The following TBC1D22A variants were observed in gnomAD, a reference collection of about 807,000 sequenced individuals.
The protein encoded by TBC1D22A is TBC1 domain family member 22A, also known as putative GTPase activator.
TBC1D22A carries 38 observed loss-of-function variants against 60.2 expected under a neutral mutation model. The observed-to-expected ratio is 0.63, with a 90% CI of 0.49 to 0.83. The LOEUF (loss-of-function observed/expected upper bound fraction) is 0.83. Among genes scored for constraint, TBC1D22A ranks in the 40% least tolerant of loss-of-function variants. The probability of loss-of-function intolerance (pLI) is 0.00; values close to 1 mark genes in which losing one functional copy is unlikely to be tolerated. For synonymous variants in TBC1D22A, 302 were observed against 281.7 expected (o/e 1.07, Z -0.72); for missense variants, 628 against 701.0 (o/e 0.90, Z 1.18).
intron 10 of TBC1D22A, among the ~76,000 whole-genome samples, chr22:47,030,716 T>C (rs1175843173): frequency 6.6e-6 from 1 of 152,376 alleles, no homozygotes; most frequent in Admixed American, 6.5e-5. Flanking sequence ...TCAGAATTAT[T>C]GCCAACCAAA....
intron 11 of TBC1D22A, among the ~76,000 whole-genome samples, chr22:47,055,252 G>T (rs750673047): frequency 2.6e-5 from 4 of 152,226 alleles, no homozygotes; most frequent in Non-Finnish European, 5.9e-5. Flanking sequence ...ATCCCTGTGT[G>T]AGATATAGGA....
intron 11 of TBC1D22A, among the ~76,000 whole-genome samples, chr22:47,078,411 C>T (rs969972997): frequency 3.3e-5 from 5 of 152,352 alleles, no homozygotes; most frequent in South Asian, 4.1e-4. Context: ...CTCCCCTCCC[C>T]GGAGAGCTAA....
intron 11 of TBC1D22A, among the ~76,000 whole-genome samples, chr22:47,090,578 G>C (rs1037936353): frequency 6.6e-6 from 1 of 152,232 alleles, no homozygotes; most frequent in African/African-American, 2.4e-5. Context: ...GGGGGTGTCC[G>C]GTGGTGGGTC....
chr22:47,053,505 T>C (rs76571944), intron 11 of TBC1D22A, among the ~76,000 whole-genome samples: 2,952 of 152,264 alleles, frequency 0.019, 99 homozygotes, highest in African/African-American at 0.064. Context: ...CCAGTGCCCT[T>C]GAAGGAGATG....
chr22:46,822,852 G>A (rs1481452275), intron 4 of TBC1D22A, among the ~76,000 whole-genome samples: 1 of 152,110 alleles, frequency 6.6e-6, no homozygotes, highest in Non-Finnish European at 1.5e-5. Flanking sequence ...AAATGAAGGG[G>A]CCCTACTTTT....
At chr22:46,786,583 G>A (rs984509436) in intron 1 of TBC1D22A, among the ~76,000 whole-genome samples, 1 of 152,148 alleles carries the variant, frequency 6.6e-6, no homozygotes, top group Non-Finnish European at 1.5e-5. Flanking sequence ...TGAAGAATTG[G>A]TATTAATTCT....
At position 47,174,651 on chromosome 22, in the gene TBC1D22A, T is replaced by A. The variant is rs2068614786; in HGVS notation, c.*1025T>A. 1 of 145,802 alleles carries A rather than the reference T, an allele frequency of 6.9e-6. No homozygotes were observed. The highest frequency in any genetic ancestry group is 1.6e-5 in the Non-Finnish European group (1 of 64,024). 9.0% of individuals were successfully genotyped at this position (145,802 alleles called of 1,614,324 possible). On this transcript the variant is annotated 3_prime_UTR_variant, in exon 13 of 13. Transcript: ENST00000337137. Reference sequence around the variant, plus strand: ...TGGACCGGTTCCTCCGTGGACCGGTTCCGCCATGGACCGGTTCCGCCATGG... The same window carrying A: ...TGGACCGGTTCCTCCGTGGACCGGTACCGCCATGGACCGGTTCCGCCATGG...
intron 4 of TBC1D22A, among the ~76,000 whole-genome samples, chr22:46,805,787 C>G (rs180820050): frequency 9.7e-4 from 147 of 151,824 alleles, no homozygotes; most frequent in Middle Eastern, 6.8e-3. Context: ...CTCTCACCGC[C>G]CCCCCACACC....
intron 4 of TBC1D22A, among the ~76,000 whole-genome samples, chr22:46,803,138 CTG>C (rs3083474): frequency 0.57 from 86,926 of 151,522 alleles, 25,364 homozygotes; most frequent in Middle Eastern, 0.71. Context: ...GCTGTAGAGA[CTG>C]TGTTATCAGC....
At chr22:46,825,008 T>C (rs918835349) in intron 4 of TBC1D22A, among the ~76,000 whole-genome samples, 7 of 152,034 alleles carry the variant, frequency 4.6e-5, no homozygotes, top group Admixed American at 4.6e-4. Flanking sequence ...TGGAGTTACA[T>C]TGAGACCTGG....
intron 8 of TBC1D22A, among the ~76,000 whole-genome samples, chr22:46,937,506 T>C (rs1401812007): frequency 1.3e-5 from 2 of 152,230 alleles, no homozygotes; most frequent in African/African-American, 4.8e-5. Context: ...TAATACTTGA[T>C]CATGATAGTA....
In TBC1D22A at chr22:47,145,759, C is replaced by A. The variant is rs142535070; in HGVS notation, c.1426-27739C>A. Among the ~76,000 whole-genome samples, 103 of 152,344 alleles carry A rather than the reference C, an allele frequency of 6.8e-4. 1 individual carries two copies. The South Asian group carries it at 0.018, about 26-fold the overall frequency. On this transcript the variant is annotated intron_variant, in intron 12 of 12. Coordinates refer to ENST00000337137, the MANE Select transcript of TBC1D22A (RefSeq NM_014346.5). ...CAGTTTTGAACTCAGGTCTTACGTT[C>A]TTTTTCTTTCTAAGAGAAGGTTTCC...
At chr22:46,956,245 C>A (rs938687700) in intron 8 of TBC1D22A, among the ~76,000 whole-genome samples, 1 of 151,952 alleles carries the variant, frequency 6.6e-6, no homozygotes, top group Non-Finnish European at 1.5e-5. Context: ...TAAAGTGAGG[C>A]CATTAGGGTG....
chr22:46,949,261 G>T (rs2072749062), intron 8 of TBC1D22A, among the ~76,000 whole-genome samples: 1 of 152,218 alleles, frequency 6.6e-6, no homozygotes, highest in Non-Finnish European at 1.5e-5. Context: ...ACAACAGCCG[G>T]TCACACTCGT....
chr22:47,054,553 G>A (rs780023264), intron 11 of TBC1D22A, among the ~76,000 whole-genome samples: 5 of 152,180 alleles, frequency 3.3e-5, no homozygotes, highest in South Asian at 2.1e-4. Flanking sequence ...CTGCTGGTGC[G>A]GCCAAGAGCC....
In TBC1D22A at chr22:46,777,502, A is replaced by G. The variant is rs573765157; in HGVS notation, c.62+14654A>G. On this transcript the variant is annotated intron_variant, in intron 1 of 12. Transcript: ENST00000337137. The surrounding 1 kb of genome is among the most constrained non-coding windows in gnomAD (Gnocchi z 4.5). ...TTTTGCTTGGAGGCACGTGTTTGAG[A>G]ACCGTTTACTCGGGTGGAGGAGGTC... 5.7e-4 allele frequency among the ~76,000 whole-genome samples: 86 copies of G among 152,098 alleles called. No homozygotes were observed. Among genetic ancestry groups the G allele is most frequent in the Non-Finnish European group, 1.0e-3 (69 of 67,998 alleles).
Position 46,937,271 on chromosome 22 carries a change from G to A in TBC1D22A, c.1015+25083G>A, listed in dbSNP as rs745322855. On this transcript the variant is annotated intron_variant, in intron 8 of 12. Transcript: ENST00000337137. ...CCTGCAGTTACCACATGGACCCACC[G>A]CATCTGTGGGGAATCCAGGATATAC... Among the ~76,000 whole-genome samples the A allele has an allele frequency of 3.9e-5, 6 of 152,262 alleles. No homozygotes were observed. In the East Asian group the frequency reaches 5.8e-4, roughly 15 times the overall value.
intron 4 of TBC1D22A, among the ~76,000 whole-genome samples, chr22:46,848,716 G>T (rs1569126718): frequency 6.6e-6 from 1 of 152,114 alleles, no homozygotes; most frequent in Non-Finnish European, 1.5e-5. Context: ...TACTATTTCT[G>T]TTGCAAATAG....
chr22:47,148,068 G>C (rs2067351671), intron 12 of TBC1D22A, among the ~76,000 whole-genome samples: 1 of 152,210 alleles, frequency 6.6e-6, no homozygotes, highest in Non-Finnish European at 1.5e-5. Context: ...GTGGGATGGA[G>C]ACCAGAGTCA....
Sources: gnomAD v4.1 joint callset for allele counts (sites outside exome capture counted in the v4.1 genomes callset) on GRCh38, gnomAD v4.1.1 for gene constraint, Gnocchi (gnomAD v3.1) non-coding constraint, MANE v1.5 for transcripts, NCBI Gene and HGNC (gene_info 2026-07-23, HGNC 2026-07-21) for gene names.